Variants in PDCD2 observed in about 807,000 individuals in gnomAD.
PDCD2 encodes the protein uS5 assembly chaperone PDCD2.
A neutral mutation model predicts 38.1 loss-of-function variants in PDCD2; 38 were observed. That is an observed-to-expected ratio of 1.00 (90% confidence interval 0.77 to 1.31). The LOEUF is 1.31. Among genes scored for constraint, PDCD2 ranks in the 50% most tolerant of loss-of-function variants. PDCD2 has a pLI of 0.00. For synonymous variants in PDCD2, 205 were observed against 168.9 expected (o/e 1.21, Z -1.66); for missense variants, 473 against 435.7 (o/e 1.09, Z -0.76).
At chr6:170,579,024 C>G (rs1024610282) in intron 4 of PDCD2, 54 bp from the exon 5 acceptor site, 6 of 1,083,130 alleles carry the variant, frequency 5.5e-6, no homozygotes, top group Non-Finnish European at 5.5e-6. Flanking sequence ...TATAAGTTGC[C>G]AATGGTAACA....
At chr6:170,583,226 G>C in intron 2 of PDCD2, 38 bp from the exon 3 acceptor site, 1 of 1,392,516 alleles carries the variant, frequency 7.2e-7, no homozygotes, top group Admixed American at 1.9e-5. Context: ...TAATCATTTA[G>C]TTTTGAAGAC....
chr6:170,582,652 A>G, intron 3 of PDCD2: 19 of 1,215,006 alleles, frequency 1.6e-5, no homozygotes, highest in Non-Finnish European at 1.9e-5. Context: ...ATGCACTGTA[A>G]GTAAACTGAC....
At position 170,578,937 on chromosome 6, in the gene PDCD2, A is replaced by C. The variant is rs775892587; in HGVS notation, c.796T>G (p.Trp266Gly). 1.2e-6 allele frequency: 2 copies of C among 1,604,176 alleles called. No individual in the cohort carries two copies. The highest frequency in any genetic ancestry group is 2.7e-5 in the African/African-American group (2 of 74,346). The change falls in exon 5 of 6, where the codon TGG becomes GGG. Residue 266 changes from tryptophan to glycine, a missense_variant. Physicochemically the swap from Trp to Gly is radical, Grantham distance 184. Transcript: ENST00000541970. ...TGAGGAATATTTTCACCAGAAATCC[A>C]GATGGGGGCAATACCTCTGCCATAT... ...LRYGRGIAPIWISGENIPQEK... is the reference protein window; with the variant it reads ...LRYGRGIAPIGISGENIPQEK...
At chr6:170,583,257 CTAAAG>C in intron 2 of PDCD2, 69 bp from the exon 3 acceptor site, 1 of 1,144,578 alleles carries the variant, frequency 8.7e-7, no homozygotes, top group Non-Finnish European at 1.3e-6. Flanking sequence ...TTTGCTGTCT[CTAAAG>C]TACTATATTC....
In PDCD2 at chr6:170,576,250, A is replaced by C. The variant is rs746881516; in HGVS notation, c.*1309T>G. On this transcript the variant is annotated 3_prime_UTR_variant, in exon 6 of 6. Transcript: ENST00000541970. Reference sequence around the variant, plus strand: ...ATCTTATACAATTAATACAAATTGCATATGTATACTTATATAATATGGACT... The same window carrying C: ...ATCTTATACAATTAATACAAATTGCCTATGTATACTTATATAATATGGACT... 9.2e-5 allele frequency: 14 copies of C among 152,234 alleles called. No individual in the cohort carries two copies. Among genetic ancestry groups the C allele is most frequent in the African/African-American group, 3.4e-4 (14 of 41,458 alleles). The allele number at this position is 152,234 out of a possible 1,614,324, so 9.4% of individuals were successfully genotyped here.
chr6:170,584,448 C>T lies in PDCD2; in HGVS notation c.134G>A (p.Gly45Glu). 7.6e-7 allele frequency: 1 copy of T among 1,313,934 alleles called. No homozygotes were observed. 81.4% of individuals were successfully genotyped at this position (1,313,934 alleles called of 1,614,324 possible). Residue 45 changes from glycine (G) to glutamate (E), a missense_variant, in exon 1 of 6, where the codon GGG becomes GAG. By Grantham distance (98) the Gly-to-Glu change is moderately conservative. Coordinates refer to ENST00000541970, the MANE Select transcript of PDCD2 (RefSeq NM_002598.4). Reference sequence around the variant, plus strand: ...CAGCTCGCAGGCCAGGGCCTGGGGCCCCGGCAGCCCGGCCGCGCCCAGCCA... The same window carrying T: ...CAGCTCGCAGGCCAGGGCCTGGGGCTCCGGCAGCCCGGCCGCGCCCAGCCA... ...PAWLGAAGLP[G>E]PQALACELCG...
In PDCD2 at chr6:170,582,957, G is replaced by A. The variant is rs142807549; in HGVS notation, c.658+100C>T. On this transcript the variant is annotated intron_variant, in intron 3 of 5. Transcript: ENST00000541970. ...AAAATTGTATGCTACAGCCTCCAAA[G>A]TGAGTCTTCCTCTCAGTACCTCTCT... 1.8e-3 allele frequency: 2,735 copies of A among 1,515,424 alleles called. 49 individuals are homozygous for A. In the African/African-American group the frequency reaches 0.034, roughly 19 times the overall value. 93.9% of individuals were successfully genotyped at this position (1,515,424 alleles called of 1,614,324 possible).
At chr6:170,582,637 A>G in intron 3 of PDCD2, 14 of 1,246,154 alleles carry the variant, frequency 1.1e-5, no homozygotes, top group Non-Finnish European at 1.4e-5. Context: ...GTACTACCCA[A>G]GAGTATGCAC....
intron 3 of PDCD2, chr6:170,582,383 A>G: frequency 6.6e-7 from 1 of 1,517,554 alleles, no homozygotes; most frequent in Non-Finnish European, 8.8e-7. Flanking sequence ...TATAAATCTA[A>G]TTTTGTGGTG....
intron 5 of PDCD2, chr6:170,578,643 A>G (rs1468759724): frequency 1.3e-5 from 9 of 703,246 alleles, no homozygotes; most frequent in Admixed American, 4.0e-5. Flanking sequence ...CAGTCAATAG[A>G]CCGTGTCTGA....
intron 3 of PDCD2, chr6:170,582,093 AAC>A (rs763430058): frequency 9.1e-5 from 139 of 1,526,698 alleles, no homozygotes; most frequent in Non-Finnish European, 1.2e-4. Flanking sequence ...TATAGGCATG[AAC>A]ACACGCGCGG....
intron 2 of PDCD2, 53 bp downstream of exon 2, chr6:170,583,451 TG>T: frequency 6.4e-7 from 1 of 1,557,084 alleles, no homozygotes; most frequent in Non-Finnish European, 8.7e-7. Flanking sequence ...TGGAAATATC[TG>T]GGTTGACAAA....
At position 170,583,560 on chromosome 6, in the gene PDCD2, C is replaced by G; in HGVS notation, c.471G>C (p.Lys157Asn). 1 of 1,613,828 alleles carries G rather than the reference C, an allele frequency of 6.2e-7. No homozygotes were observed. Among genetic ancestry groups the G allele is most frequent in the Non-Finnish European group, 8.5e-7 (1 of 1,179,774 alleles). The change falls in exon 2 of 6, where the codon AAG (lysine) becomes AAC (asparagine). Residue 157 changes from lysine to asparagine, a missense_variant. By Grantham distance (94) the Lys-to-Asn change is moderately conservative. Transcript: ENST00000541970. ...ATCTCCAGTCTAGGGTCTGATGCTC[C>G]TTGCTGCAGTAATATGCTTTGTGGC... ...SRCHKAYYCSKEHQTLDWRLG... is the reference protein window; with the variant it reads ...SRCHKAYYCSNEHQTLDWRLG...
intron 5 of PDCD2, 46 bp downstream of exon 5, chr6:170,578,811 C>T (rs760097432): frequency 3.3e-6 from 4 of 1,201,354 alleles, no homozygotes; most frequent in Non-Finnish European, 5.0e-6. Context: ...TGTTTAAAAA[C>T]AATCATGGTG....
rs746881516 is a variant in PDCD2 at position 170,576,250 on chromosome 6, A to G, written c.*1309T>C. 2.6e-5 allele frequency: 4 copies of G among 152,234 alleles called. No homozygotes were observed. Among genetic ancestry groups the G allele is most frequent in the Non-Finnish European group, 5.9e-5 (4 of 68,040 alleles). 9.4% of individuals were successfully genotyped at this position (152,234 alleles called of 1,614,324 possible). A position where few individuals can be genotyped will look rare whatever the true frequency, so the allele number is the denominator to read the frequency against. On this transcript the variant is annotated 3_prime_UTR_variant, in exon 6 of 6. Transcript: ENST00000541970. ...ATCTTATACAATTAATACAAATTGC[A>G]TATGTATACTTATATAATATGGACT...
chr6:170,582,264 C>A (rs1168861979), intron 3 of PDCD2: 33 of 1,473,468 alleles, frequency 2.2e-5, no homozygotes, highest in Non-Finnish European at 2.8e-5. Context: ...CCCATTATAT[C>A]CCTGTTATCA....
In PDCD2 at chr6:170,576,972, G is replaced by A. The variant is rs1779465148; in HGVS notation, c.*587C>T. The A allele has an allele frequency of 6.6e-6, 1 of 152,178 alleles. No individual in the cohort carries two copies. 9.4% of individuals were successfully genotyped at this position (152,178 alleles called of 1,614,324 possible). On this transcript the variant is annotated 3_prime_UTR_variant, in exon 6 of 6. Coordinates refer to ENST00000541970, the MANE Select transcript of PDCD2 (RefSeq NM_002598.4). ...TGTTCATCATACTCACCAACCTGAGGTTTGGTATTTCTCAAATATTCTGGG... is the reference window on the plus strand; with the variant it reads ...TGTTCATCATACTCACCAACCTGAGATTTGGTATTTCTCAAATATTCTGGG...
In PDCD2 at chr6:170,582,624, C is replaced by T. The variant is rs961759000; in HGVS notation, c.658+433G>A. The T allele has an allele frequency of 4.8e-6, 6 of 1,258,942 alleles. 1 individual carries two copies. Among genetic ancestry groups the T allele is most frequent in the African/African-American group, 4.6e-5 (3 of 65,574 alleles). 78.0% of individuals were successfully genotyped at this position (1,258,942 alleles called of 1,614,324 possible). On this transcript the variant is annotated intron_variant, in intron 3 of 5. Coordinates refer to ENST00000541970, the MANE Select transcript of PDCD2 (RefSeq NM_002598.4). ...AAGCCTCTAAGATACTTGGTCAGCA[C>T]AAGTACTACCCAAGAGTATGCACTG...
In PDCD2 at chr6:170,575,973, A is replaced by G. The variant is rs1261716604; in HGVS notation, c.*1586T>C. On this transcript the variant is annotated 3_prime_UTR_variant, in exon 6 of 6. Transcript: ENST00000541970. ...TAAGGAATAATACATAATTTTAGAT[A>G]TAAAGGCCCCACTAGTCCAGGTTTC... 2.0e-5 allele frequency: 3 copies of G among 152,210 alleles called. No individual in the cohort carries two copies. Among genetic ancestry groups the G allele is most frequent in the African/African-American group, 7.2e-5 (3 of 41,450 alleles). 9.4% of individuals were successfully genotyped at this position (152,210 alleles called of 1,614,324 possible).
Sources: allele counts gnomAD v4.1 joint callset, GRCh38; gene constraint gnomAD v4.1.1; transcripts MANE v1.5; gene names NCBI Gene and HGNC (gene_info 2026-07-23, HGNC 2026-07-21).